Variants in CACNA1E observed in about 807,000 individuals in gnomAD.
CACNA1E encodes the protein voltage-dependent R-type calcium channel subunit alpha-1E.
In CACNA1E, 40 loss-of-function variants were observed where a neutral mutation model predicts 259.2. The ratio of observed to expected loss-of-function variants is 0.15; its 90% CI spans 0.12 to 0.20. CACNA1E has a LOEUF of 0.20. Ranked by LOEUF, CACNA1E falls within the 10% of genes least tolerant of loss-of-function variation. The pLI is 1.00. For missense variants in CACNA1E, 1,874 were observed against 3,040.1 expected (o/e 0.62, Z 9.02); for synonymous variants, 1,104 against 1,138.5 (o/e 0.97, Z 0.61).
At chr1:181,654,433 A>G (rs1052012853) in intron 7 of CACNA1E, among the ~76,000 whole-genome samples, 8 of 152,146 alleles carry the variant, frequency 5.3e-5, no homozygotes, top group African/African-American at 1.7e-4. Flanking sequence ...GAAAGGAAGA[A>G]ATTAACAAAA....
chr1:181,471,653 A>G (rs1662520061), intron 2 of CACNA1E, among the ~76,000 whole-genome samples: 1 of 152,184 alleles, frequency 6.6e-6, no homozygotes, highest in African/African-American at 2.4e-5. Context: ...TTATAACCTA[A>G]CACCTCTTAG....
chr1:181,530,765 T>A (rs768026942), intron 3 of CACNA1E, among the ~76,000 whole-genome samples: 36 of 152,344 alleles, frequency 2.4e-4, no homozygotes, highest in Non-Finnish European at 3.1e-4. Flanking sequence ...CCATATGCAG[T>A]TATCTATATT....
chr1:181,651,264 G>A, intron 6 of CACNA1E, 74 bp from the exon 7 acceptor site: 1 of 949,718 alleles, frequency 1.1e-6, no homozygotes, highest in Non-Finnish European at 1.7e-6. Flanking sequence ...CACCCTCTGT[G>A]CAGCTGCAAG....
At chr1:181,416,057 A>G (rs1658248522) in intron 2 of CACNA1E, among the ~76,000 whole-genome samples, 1 of 152,234 alleles carries the variant, frequency 6.6e-6, no homozygotes, top group African/African-American at 2.4e-5. Context: ...TTTCATTAGA[A>G]AAGGTTCAAG....
At chr1:181,490,665 AT>A (rs1281452297) in intron 1 of CACNA1E, among the ~76,000 whole-genome samples, 3 of 150,454 alleles carry the variant, frequency 2.0e-5, no homozygotes, top group Non-Finnish European at 2.9e-5. Flanking sequence ...TTTTTGCTGC[AT>A]TTGGGCTGCA....
chr1:181,671,902 T>C (rs1055449085), intron 7 of CACNA1E, among the ~76,000 whole-genome samples: 6 of 152,214 alleles, frequency 3.9e-5, no homozygotes, highest in African/African-American at 1.2e-4. Context: ...CCTAGAGGAA[T>C]ATAAATCATT....
intron 19 of CACNA1E, among the ~76,000 whole-genome samples, chr1:181,731,668 G>A (rs1456002062): frequency 6.6e-6 from 1 of 152,090 alleles, no homozygotes; most frequent in Admixed American, 6.5e-5. Context: ...CCTCTCCCAT[G>A]TGCTCTCCTG....
chr1:181,571,616 A>G (rs991504451), intron 3 of CACNA1E, among the ~76,000 whole-genome samples: 2 of 152,238 alleles, frequency 1.3e-5, no homozygotes, highest in African/African-American at 4.8e-5. Context: ...TTCAGCTTGT[A>G]TTAGGTCCCT....
intron 1 of CACNA1E, among the ~76,000 whole-genome samples, chr1:181,357,921 G>A (rs948125053): frequency 2.6e-5 from 4 of 152,156 alleles, no homozygotes; most frequent in Non-Finnish European, 5.9e-5. Flanking sequence ...CTGCTCATTC[G>A]TGGTGAGTGG....
Position 181,798,671 on chromosome 1 carries a change from T to C in CACNA1E, c.6779T>C (p.Leu2260Pro). ...LTFEAAVATSLGRSNTIGSAP... is the reference protein window; with the variant it reads ...LTFEAAVATSPGRSNTIGSAP... ...TTCGAAGCAGCCGTGGCTACTAGCC[T>C]GGGCCGTTCCAACACCATCGGCTCA... is the stretch of plus-strand genomic sequence containing the variant. The change falls in exon 48 of 48, where the codon CTG becomes CCG. Residue 2260 changes from leucine to proline, a missense_variant. By Grantham distance (98) the Leu-to-Pro change is moderately conservative (BLOSUM62 -3). Transcript: ENST00000367573. This position sits in a 1 kb window ranked among gnomAD's most constrained non-coding sequence, Gnocchi z 4.2. 1 of 1,610,224 alleles carries C rather than the reference T, an allele frequency of 6.2e-7. No homozygotes were observed. The highest frequency in any genetic ancestry group is 8.5e-7 in the Non-Finnish European group (1 of 1,177,558).
intron 1 of CACNA1E, among the ~76,000 whole-genome samples, chr1:181,392,891 T>G (rs970054405): frequency 6.6e-6 from 1 of 152,188 alleles, no homozygotes; most frequent in Admixed American, 6.5e-5. Context: ...ATATTGGCAA[T>G]TTTGAAATGT....
intron 13 of CACNA1E, 87 bp from the exon 14 acceptor site, chr1:181,720,119 A>G: frequency 2.0e-6 from 3 of 1,464,030 alleles, no homozygotes; most frequent in Non-Finnish European, 2.8e-6. Context: ...AGCTTATTTC[A>G]TAGACTACCA....
chr1:181,442,111 T>G (rs640321), intron 2 of CACNA1E, among the ~76,000 whole-genome samples: 93,381 of 151,820 alleles, frequency 0.62, 29,906 homozygotes, highest in African/African-American at 0.8. Context: ...CCATCTCACT[T>G]GGGGCATGGG....
intron 25 of CACNA1E, among the ~76,000 whole-genome samples, chr1:181,741,404 G>A (rs912684451): frequency 1.3e-5 from 2 of 152,220 alleles, no homozygotes; most frequent in African/African-American, 2.4e-5. Flanking sequence ...CTGATGTAGT[G>A]TGAACAGTCA....
chr1:181,392,039 T>C (rs1328079573), intron 1 of CACNA1E, among the ~76,000 whole-genome samples: 4 of 151,988 alleles, frequency 2.6e-5, no homozygotes, highest in Non-Finnish European at 5.9e-5. Context: ...AGAGCCTCTC[T>C]TGGCCTCCTG....
chr1:181,490,292 G>A (rs998431451), intron 1 of CACNA1E, among the ~76,000 whole-genome samples: 3 of 152,024 alleles, frequency 2.0e-5, no homozygotes, highest in African/African-American at 7.3e-5. Flanking sequence ...CCAGAGCAGT[G>A]GGTACTTCTT....
intron 2 of CACNA1E, among the ~76,000 whole-genome samples, chr1:181,420,346 G>T (rs1030998591): frequency 6.6e-6 from 1 of 152,136 alleles, no homozygotes; most frequent in Non-Finnish European, 1.5e-5. Context: ...CTATTTAAAG[G>T]TTTCCTCAGG....
chr1:181,692,871 G>T (rs1651310958), intron 7 of CACNA1E, among the ~76,000 whole-genome samples: 2 of 151,922 alleles, frequency 1.3e-5, no homozygotes, highest in African/African-American at 4.8e-5. Context: ...TACAGAATGA[G>T]AATGCAAAAT....
At chr1:181,475,538 C>T (rs1007051496) in intron 2 of CACNA1E, among the ~76,000 whole-genome samples, 6 of 152,062 alleles carry the variant, frequency 3.9e-5, no homozygotes, top group Non-Finnish European at 7.4e-5. Flanking sequence ...GTGAAGCAGG[C>T]GCTGTGAGCA....
Sources: gnomAD v4.1 joint callset for allele counts (sites outside exome capture counted in the v4.1 genomes callset) on GRCh38, gnomAD v4.1.1 for gene constraint, Gnocchi (gnomAD v3.1) non-coding constraint, MANE v1.5 for transcripts, NCBI Gene and HGNC (gene_info 2026-07-23, HGNC 2026-07-21) for gene names.